DACH2: variants seen among roughly 807,000 people sequenced by gnomAD.
DACH2 encodes dachshund homolog 2.
In DACH2, 17 loss-of-function variants were observed where a neutral mutation model predicts 35.8. That is an observed-to-expected ratio of 0.48 (90% CI 0.33 to 0.71). The LOEUF is 0.71. Ranked by LOEUF, DACH2 falls within the 30% of genes least tolerant of loss-of-function variation. The probability of loss-of-function intolerance (pLI) is 0.02; values close to 1 mark genes in which losing one functional copy is unlikely to be tolerated. For synonymous variants in DACH2, 195 were observed against 177.3 expected, an observed-to-expected ratio of 1.10 and a Z score of -0.79; for missense variants, 469 against 472.7, an observed-to-expected ratio of 0.99 and a Z score of 0.07.
intron 2 of DACH2, among the ~76,000 whole-genome samples, chrX:86,462,508 A>T (rs1158057361): frequency 2.7e-5 from 3 of 111,889 alleles, no homozygotes; most frequent in Non-Finnish European, 5.7e-5. Context: ...TACATTGTTC[A>T]TCTAATTACA....
At chrX:86,702,755 A>G (rs1569470120) in intron 5 of DACH2, among the ~76,000 whole-genome samples, 1 of 111,567 alleles carries the variant, frequency 9.0e-6, no homozygotes, top group Non-Finnish European at 1.9e-5. Flanking sequence ...CAGACCAATA[A>G]CAGGCAATGA....
chrX:86,696,808 G>A (rs903857231), intron 5 of DACH2, among the ~76,000 whole-genome samples: 39 of 111,311 alleles, frequency 3.5e-4, no homozygotes, highest in African/African-American at 1.2e-3. Context: ...TTATTTCTAG[G>A]AGCCATACCA....
intron 2 of DACH2, among the ~76,000 whole-genome samples, chrX:86,455,874 G>C (rs1436004079): frequency 8.9e-6 from 1 of 112,186 alleles, no homozygotes; most frequent in Non-Finnish European, 1.9e-5. Context: ...CCCAGGGCCA[G>C]AGTATATTAA....
At chrX:86,193,723 G>C (rs2031895634) in intron 1 of DACH2, among the ~76,000 whole-genome samples, 2 of 110,383 alleles carry the variant, frequency 1.8e-5, no homozygotes, top group Non-Finnish European at 3.8e-5. Flanking sequence ...AAAACAAAAA[G>C]GTGAGTATCT....
At chrX:86,150,345 A>G (rs1310404600) in intron 1 of DACH2, among the ~76,000 whole-genome samples, 1 of 112,231 alleles carries the variant, frequency 8.9e-6, no homozygotes, top group African/African-American at 3.2e-5. Context: ...TGAACTTTAA[A>G]TCATAAAATC....
At chrX:86,282,332 C>A (rs1319928756) in intron 1 of DACH2, among the ~76,000 whole-genome samples, 3 of 111,102 alleles carry the variant, frequency 2.7e-5, no homozygotes, top group Admixed American at 1.9e-4. Context: ...AGAACACAGG[C>A]CTCAGAATTA....
intron 1 of DACH2, among the ~76,000 whole-genome samples, chrX:86,253,383 G>A (rs757646892): frequency 1.2e-4 from 13 of 111,338 alleles, no homozygotes; most frequent in Admixed American, 1.9e-4. Flanking sequence ...TGCATTTCCC[G>A]TTGACAATCT....
intron 1 of DACH2, among the ~76,000 whole-genome samples, chrX:86,331,035 G>A (rs2035203439): frequency 9.0e-6 from 1 of 111,464 alleles, no homozygotes; most frequent in African/African-American, 3.3e-5. Context: ...GGGAAAGAAG[G>A]AGTATATTTT....
At chrX:86,431,978 G>T (rs2036992156) in intron 2 of DACH2, among the ~76,000 whole-genome samples, 1 of 111,941 alleles carries the variant, frequency 8.9e-6, no homozygotes, top group Admixed American at 9.5e-5. Flanking sequence ...TACAGTCTCA[G>T]TAAAAAAATG....
intron 1 of DACH2, among the ~76,000 whole-genome samples, chrX:86,322,918 AT>A (rs1251964917): frequency 1.5e-5 from 1 of 65,250 alleles, no homozygotes; most frequent in Non-Finnish European, 2.7e-5. Context: ...TGAGACTAAA[AT>A]TTGTCTTTAG....
chrX:86,617,878 G>A (rs1290518949), intron 3 of DACH2, among the ~76,000 whole-genome samples: 1 of 112,289 alleles, frequency 8.9e-6, no homozygotes, highest in Non-Finnish European at 1.9e-5. Context: ...AACTGAATAA[G>A]CTATTTAATG....
chrX:86,638,396 A>G (rs2040304670), intron 3 of DACH2, among the ~76,000 whole-genome samples: 1 of 112,197 alleles, frequency 8.9e-6, no homozygotes, highest in Non-Finnish European at 1.9e-5. Flanking sequence ...AACAACAAAA[A>G]CAGAAATAGA....
chrX:86,163,891 C>G (rs978945514), intron 1 of DACH2, among the ~76,000 whole-genome samples: 2 of 111,128 alleles, frequency 1.8e-5, no homozygotes, highest in East Asian at 5.7e-4. Context: ...TGAACAGACA[C>G]GTGCATGTGT....
intron 3 of DACH2, among the ~76,000 whole-genome samples, chrX:86,588,345 G>C (rs1033032427): frequency 1.4e-4 from 16 of 110,861 alleles, no homozygotes; most frequent in African/African-American, 5.2e-4. Context: ...TGTATATTCA[G>C]GCTCCTATTG....
At chrX:86,522,619 C>T (rs2038572220) in intron 3 of DACH2, among the ~76,000 whole-genome samples, 1 of 84,430 alleles carries the variant, frequency 1.2e-5, no homozygotes, top group Non-Finnish European at 2.3e-5. Flanking sequence ...TCCCAGATTC[C>T]ACCTAGCCTT....
chrX:86,278,165 A>G (rs950214288), intron 1 of DACH2, among the ~76,000 whole-genome samples: 8 of 112,067 alleles, frequency 7.1e-5, no homozygotes, highest in African/African-American at 2.6e-4. Context: ...ATTATATCTG[A>G]GAAGTATGCT....
chrX:86,743,103 T>C (rs751376989), intron 7 of DACH2, among the ~76,000 whole-genome samples: 5 of 111,671 alleles, frequency 4.5e-5, no homozygotes, highest in African/African-American at 1.6e-4. Flanking sequence ...GTTGCTGTCA[T>C]AGAGGGGAGC....
intron 1 of DACH2, among the ~76,000 whole-genome samples, chrX:86,365,316 A>G (rs1040563568): frequency 7.9e-5 from 7 of 89,036 alleles, no homozygotes; most frequent in Admixed American, 4.2e-4. Flanking sequence ...ATCAAGAGAT[A>G]AAGGCGAAAA....
intron 2 of DACH2, among the ~76,000 whole-genome samples, chrX:86,418,857 T>C (rs1173679282): frequency 8.9e-6 from 1 of 111,881 alleles, no homozygotes; most frequent in Non-Finnish European, 1.9e-5. Context: ...CTGCTTCCCT[T>C]ATAAAACTGA....
Sources: allele counts gnomAD v4.1 joint callset (sites outside exome capture counted in the v4.1 genomes callset), GRCh38; gene constraint gnomAD v4.1.1; transcripts MANE v1.5; gene names NCBI Gene and HGNC (gene_info 2026-07-23, HGNC 2026-07-21).